The following PHF3 variants were observed in gnomAD, a reference collection of about 807,000 sequenced individuals.
The protein encoded by PHF3 is PHD finger protein 3.
In PHF3, 41 loss-of-function variants were observed where a neutral mutation model predicts 178.4. The ratio of observed to expected loss-of-function variants is 0.23; its 90% CI spans 0.18 to 0.30. The LOEUF is 0.30. Among genes scored for constraint, PHF3 ranks in the 10% least tolerant of loss-of-function variants. PHF3 has a pLI of 1.00. For missense variants in PHF3, 2,346 were observed against 2,398.1 expected, an observed-to-expected ratio of 0.98 and a Z score of 0.45; for synonymous variants, 842 against 800.5, an observed-to-expected ratio of 1.05 and a Z score of -0.88.
At chr6:63,645,500 G>A (rs565645494) in intron 1 of PHF3, among the ~76,000 whole-genome samples, 3 of 152,260 alleles carry the variant, frequency 2.0e-5, no homozygotes, top group Admixed American at 1.3e-4. Context: ...TATAGGGGGA[G>A]AGAATTCAAG....
intron 2 of PHF3, among the ~76,000 whole-genome samples, chr6:63,669,744 CATAAG>C (rs1765828880): frequency 6.6e-6 from 1 of 152,114 alleles, no homozygotes; most frequent in Middle Eastern, 3.2e-3. Flanking sequence ...CTAAACTGTT[CATAAG>C]AGGCCAGAGA....
At chr6:63,661,567 T>G (rs1467653497) in intron 2 of PHF3, among the ~76,000 whole-genome samples, 7 of 152,192 alleles carry the variant, frequency 4.6e-5, no homozygotes, top group Admixed American at 2.6e-4. Flanking sequence ...GGGCTTTTTC[T>G]TATATCCCTC....
intron 11 of PHF3, among the ~76,000 whole-genome samples, chr6:63,704,211 A>G (rs1007060574): frequency 2.6e-5 from 4 of 152,294 alleles, no homozygotes; most frequent in South Asian, 2.1e-4. Flanking sequence ...AGAGTGGTGC[A>G]GTTACTACAG....
intron 1 of PHF3, among the ~76,000 whole-genome samples, chr6:63,644,843 A>C (rs982486674): frequency 6.6e-6 from 1 of 151,628 alleles, no homozygotes; most frequent in East Asian, 1.9e-4. Context: ...TTTGCAGTTC[A>C]TCCTTTCCCT....
intron 5 of PHF3, among the ~76,000 whole-genome samples, chr6:63,692,636 G>C (rs1767058286): frequency 6.6e-6 from 1 of 152,156 alleles, no homozygotes; most frequent in Non-Finnish European, 1.5e-5. Context: ...ACACATGTAT[G>C]TGGTTAGGCA....
Position 63,698,302 on chromosome 6 carries a change from C to T in PHF3, c.2760C>T (p.Ser920=), listed in dbSNP as rs1767320218. 9 of 1,612,868 alleles carry T rather than the reference C, an allele frequency of 5.6e-6. No homozygotes were observed. The highest frequency in any genetic ancestry group is 7.6e-6 in the Non-Finnish European group (9 of 1,179,080). Residue 920 remains serine, a synonymous_variant, in exon 7 of 16, where the codon TCC becomes TCT. Transcript: ENST00000262043. ...VLNVHPAASA[S]KPSADQIRQS... is the part of the protein sequence containing the mutation. Reference sequence around the variant, plus strand: ...ATGTACATCCTGCTGCTTCTGCTTCCAAGCCTTCTGCAGATCAGATCAGGC... The same window carrying T: ...ATGTACATCCTGCTGCTTCTGCTTCTAAGCCTTCTGCAGATCAGATCAGGC...
rs139870302 is a variant in PHF3, at chr6:63,716,165, G to A, written c.*2457G>A. On this transcript the variant is annotated 3_prime_UTR_variant, in exon 16 of 16. Coordinates refer to ENST00000262043, the MANE Select transcript of PHF3 (RefSeq NM_001370348.2). ...AACATTGGTCAACTCAAAGGTGAAG[G>A]CTTAGAGCTGAGGAAACTGGAACTT... Among the ~76,000 whole-genome samples the A allele has an allele frequency of 1.1e-3, 172 of 152,216 alleles. 3 individuals carry two copies. Among genetic ancestry groups the A allele is most frequent in the Non-Finnish European group, 3.7e-4 (25 of 68,004 alleles).
chr6:63,646,993 A>G (rs964705548), intron 2 of PHF3, among the ~76,000 whole-genome samples, 198 bp downstream of exon 2: 2 of 150,746 alleles, frequency 1.3e-5, no homozygotes, highest in African/African-American at 4.9e-5. Context: ...TTTTCTTCCA[A>G]GGAGTGTGGA....
chr6:63,699,164 A>C (rs1767364656), intron 8 of PHF3, among the ~76,000 whole-genome samples: 1 of 152,174 alleles, frequency 6.6e-6, no homozygotes, highest in Non-Finnish European at 1.5e-5. Context: ...GGACAGAGGA[A>C]ATCTAAAGGC....
chr6:63,644,718 TA>T (rs961969305), intron 1 of PHF3, among the ~76,000 whole-genome samples: 1 of 151,756 alleles, frequency 6.6e-6, no homozygotes, highest in East Asian at 1.9e-4. Context: ...GCTTTTTTTT[TA>T]AAAAAAATTG....
rs577531230 is a variant in PHF3 at position 63,654,018 on chromosome 6, C to T, written c.244+7223C>T. 2.6e-5 allele frequency among the ~76,000 whole-genome samples: 4 copies of T among 152,172 alleles called. No individual in the cohort carries two copies. In the Middle Eastern group the frequency reaches 0.014, roughly 518 times the overall value. ...GGTGAGTGATCTTTTTAATGTGCTG[C>T]TGGATTCAGTTTGCTAGGATTTTTG... On this transcript the variant is annotated intron_variant, in intron 2 of 15. Transcript: ENST00000262043.
At chr6:63,696,879 A>T (rs1467655199) in intron 6 of PHF3, among the ~76,000 whole-genome samples, 3 of 152,196 alleles carry the variant, frequency 2.0e-5, no homozygotes, top group African/African-American at 7.2e-5. Context: ...AACCAGTTGT[A>T]GTGGCTTATG....
At chr6:63,669,639 T>G (rs1765824015) in intron 2 of PHF3, among the ~76,000 whole-genome samples, 1 of 152,214 alleles carries the variant, frequency 6.6e-6, no homozygotes, top group Non-Finnish European at 1.5e-5. Flanking sequence ...AAAGTAGTTT[T>G]TCTCTGAGGG....
At chr6:63,698,150 G>A (rs1042213079) in intron 6 of PHF3, 73 bp from the exon 7 acceptor site, 1 of 1,242,602 alleles carries the variant, frequency 8.0e-7, no homozygotes, top group Non-Finnish European at 1.1e-6. Flanking sequence ...AGTTTTGTTT[G>A]TAAACTTATT....
intron 13 of PHF3, among the ~76,000 whole-genome samples, chr6:63,708,090 C>T (rs186849194): frequency 2.1e-4 from 32 of 152,224 alleles, no homozygotes; most frequent in African/African-American, 7.7e-4. Flanking sequence ...CGGTTCTGAA[C>T]TACTGCCCTC....
rs1260315239 is a variant in PHF3, at chr6:63,684,947, A to T, written c.1225A>T (p.Arg409Trp). Residue 409 changes from arginine (R) to tryptophan (W), a missense_variant, in exon 4 of 16, where the codon AGG becomes TGG. By Grantham distance (101) the Arg-to-Trp change is moderately radical. This residue lies in a region of PHF3 where 843 missense variants were observed against 795.2 expected (regional missense o/e 1.06). Transcript: ENST00000262043. ...TTATTGTGAAGATGCGGAGTCTAAT[A>T]GGCAGTTGGAGAGCACTGAGTTTAA... Reference protein sequence around the residue: ...LGYCEDAESNRQLESTEFNKS... With the variant: ...LGYCEDAESNWQLESTEFNKS... 6.2e-7 allele frequency: 1 copy of T among 1,614,050 alleles called. No homozygotes were observed.
chr6:63,637,422 A>G (rs1335841920), intron 1 of PHF3, among the ~76,000 whole-genome samples: 1 of 152,238 alleles, frequency 6.6e-6, no homozygotes, highest in Non-Finnish European at 1.5e-5. Context: ...TTAGAGCGAC[A>G]TGTTGAGTCA....
rs137903327 is a variant in PHF3, at chr6:63,700,825, G to A, written c.3099+359G>A. ...TCTCGATCTCCTGACCTCATGATCC[G>A]CCCACCTCAGCCTCCCAAAGTGTGG... On this transcript the variant is annotated intron_variant, in intron 9 of 15. Coordinates refer to ENST00000262043, the MANE Select transcript of PHF3 (RefSeq NM_001370348.2). Among the ~76,000 whole-genome samples the A allele has an allele frequency of 3.7e-4, 56 of 151,964 alleles. 1 individual carries two copies. The highest frequency in any genetic ancestry group is 1.3e-3 in the African/African-American group (53 of 41,460).
At position 63,721,894 on chromosome 6, in the gene PHF3, G is replaced by A. The variant is rs1768411663; in HGVS notation, c.*8186G>A. ...GCCAAGTTGGATAAGTTTTAGTTAT[G>A]GGGAAAAAAGTAACAGATCTTGAGC... is the stretch of plus-strand genomic sequence containing the variant. On this transcript the variant is annotated 3_prime_UTR_variant, in exon 16 of 16. Coordinates refer to ENST00000262043, the MANE Select transcript of PHF3 (RefSeq NM_001370348.2). 1 of 1,119,422 alleles carries A rather than the reference G, an allele frequency of 8.9e-7. No individual in the cohort carries two copies. The highest frequency in any genetic ancestry group is 1.6e-5 in the African/African-American group (1 of 63,288). 69.3% of individuals were successfully genotyped at this position (1,119,422 alleles called of 1,614,324 possible). A position where few individuals can be genotyped will look rare whatever the true frequency, so the allele number is the denominator to read the frequency against.
Sources: gnomAD v4.1 joint callset for allele counts (sites outside exome capture counted in the v4.1 genomes callset) on GRCh38, gnomAD v4.1.1 for gene constraint, gnomAD v4.1.1 regional missense constraint, MANE v1.5 for transcripts, NCBI Gene and HGNC (gene_info 2026-07-23, HGNC 2026-07-21) for gene names.